Variants in CPLX2 observed in about 807,000 individuals in gnomAD.
CPLX2 encodes complexin-2.
A neutral mutation model predicts 16.3 loss-of-function variants in CPLX2; 5 were observed. The observed-to-expected ratio is 0.31, with a 90% confidence interval of 0.16 to 0.64. CPLX2 has a LOEUF of 0.64. Among genes scored for constraint, CPLX2 ranks in the 30% least tolerant of loss-of-function variants. The pLI is 0.79. For missense variants in CPLX2, 144 were observed against 181.4 expected, an observed-to-expected ratio of 0.79 and a Z score of 1.18; for synonymous variants, 89 against 73.2, an observed-to-expected ratio of 1.22 and a Z score of -1.10.
intron 1 of CPLX2, among the ~76,000 whole-genome samples, chr5:175,798,541 G>A (rs1352813948): frequency 1.3e-5 from 2 of 152,186 alleles, no homozygotes. Flanking sequence ...ACCCCAGGCA[G>A]ACAGAGCTGT....
rs1759029452 is a variant in CPLX2, at chr5:175,845,664, G to A, written c.-88-32988G>A. Among the ~76,000 whole-genome samples the A allele has an allele frequency of 6.6e-6, 1 of 152,186 alleles. No homozygotes were observed. The highest frequency in any genetic ancestry group is 1.5e-5 in the Non-Finnish European group (1 of 68,044). On this transcript the variant is annotated intron_variant, in intron 2 of 4. Coordinates refer to the CPLX2 transcript ENST00000359546. This position sits in a 1 kb window ranked among gnomAD's most constrained non-coding sequence, Gnocchi z 4.0. ...GGACTGTGAGTCTCTTAAGGGCGGG[G>A]ACTCATTGGTGCTGGTTCCACGGGC...
At chr5:175,824,011 T>A (rs1758560933) in intron 2 of CPLX2, among the ~76,000 whole-genome samples, 1 of 152,130 alleles carries the variant, frequency 6.6e-6, no homozygotes, top group Non-Finnish European at 1.5e-5. Context: ...GAGAGGATCC[T>A]TAAAGGGACC....
At chr5:175,803,228 A>AT (rs1423726545) in intron 1 of CPLX2, among the ~76,000 whole-genome samples, 12 of 152,340 alleles carry the variant, frequency 7.9e-5, no homozygotes, top group African/African-American at 1.4e-4. Flanking sequence ...TGGCTCATTG[A>AT]TTCGTCAATA....
chr5:175,815,879 CTG>C lies in CPLX2; in HGVS notation c.-89+6813_-89+6814del, dbSNP rs1758398374. On this transcript the variant is annotated intron_variant, in intron 2 of 4. Transcript: ENST00000359546. ...ACTGTAAGCTCCTTGAGGAGACCCACTGTCTCTTGTTACATCTATGCCCAGCA... is the reference window on the plus strand; with the variant it reads ...ACTGTAAGCTCCTTGAGGAGACCCACTCTCTTGTTACATCTATGCCCAGCA... 2.6e-5 allele frequency among the ~76,000 whole-genome samples: 4 copies of C among 152,350 alleles called. No individual in the cohort carries two copies. The South Asian group carries it at 8.3e-4, about 32-fold the overall frequency.
chr5:175,877,775 A>G (rs1294660506), intron 1 of CPLX2, among the ~76,000 whole-genome samples: 1 of 152,242 alleles, frequency 6.6e-6, no homozygotes, highest in African/African-American at 2.4e-5. Context: ...CCACTTTTAC[A>G]TATTTTGCAT....
chr5:175,828,975 C>T, intron 2 of CPLX2, among the ~76,000 whole-genome samples: 1 of 152,070 alleles, frequency 6.6e-6, no homozygotes, highest in East Asian at 1.9e-4. Context: ...ACCACTGGAG[C>T]CAGACGCACT....
intron 2 of CPLX2, among the ~76,000 whole-genome samples, chr5:175,823,849 C>T (rs1187804538): frequency 6.6e-6 from 1 of 152,166 alleles, no homozygotes; most frequent in South Asian, 2.1e-4. Flanking sequence ...AACCACTCAG[C>T]CAGAAGGGAG....
At chr5:175,852,577 G>A (rs1759179112) in intron 2 of CPLX2, among the ~76,000 whole-genome samples, 1 of 152,218 alleles carries the variant, frequency 6.6e-6, no homozygotes, top group African/African-American at 2.4e-5. Context: ...GAACAGCCCC[G>A]GAAATGGGGA....
At chr5:175,851,599 C>T (rs954907063) in intron 2 of CPLX2, among the ~76,000 whole-genome samples, 7 of 152,218 alleles carry the variant, frequency 4.6e-5, no homozygotes, top group East Asian at 1.9e-4. Flanking sequence ...GGAATGGCTG[C>T]GGAAGCTCCC....
rs1759102388 is a variant in CPLX2, at chr5:175,849,013, T to A, written c.-88-29639T>A. Among the ~76,000 whole-genome samples, 1 of 152,194 alleles carries A rather than the reference T, an allele frequency of 6.6e-6. No homozygotes were observed. Among genetic ancestry groups the A allele is most frequent in the Admixed American group, 6.5e-5 (1 of 15,274 alleles). ...GGCCCAGAGAGTGACTGGATTGCAT[T>A]CTACCTGTGCTGGTTTCTTCTAAGC... On this transcript the variant is annotated intron_variant, in intron 2 of 4. Coordinates refer to the CPLX2 transcript ENST00000359546. This position sits in a 1 kb window ranked among gnomAD's most constrained non-coding sequence, Gnocchi z 4.4.
At chr5:175,805,251 A>G (rs1361016694) in intron 1 of CPLX2, among the ~76,000 whole-genome samples, 1 of 152,234 alleles carries the variant, frequency 6.6e-6, no homozygotes, top group African/African-American at 2.4e-5. Context: ...TTGAGTAAGC[A>G]TAAGATATAT....
At chr5:175,812,927 T>G (rs1758339387) in intron 2 of CPLX2, among the ~76,000 whole-genome samples, 1 of 152,358 alleles carries the variant, frequency 6.6e-6, no homozygotes. Context: ...GTACTGGCAT[T>G]GAAAGAGCCT....
At chr5:175,805,901 G>A (rs917310223) in intron 1 of CPLX2, among the ~76,000 whole-genome samples, 1 of 152,182 alleles carries the variant, frequency 6.6e-6, no homozygotes, top group African/African-American at 2.4e-5. Context: ...CAAGCCAGCA[G>A]GCTGAGTCCC....
At chr5:175,855,024 A>T (rs979702126) in intron 2 of CPLX2, among the ~76,000 whole-genome samples, 6 of 152,244 alleles carry the variant, frequency 3.9e-5, no homozygotes, top group Non-Finnish European at 5.9e-5. Flanking sequence ...GCTCAGAAGA[A>T]AAATTATATT....
At chr5:175,798,543 CAG>C (rs1220955721) in intron 1 of CPLX2, among the ~76,000 whole-genome samples, 1 of 152,134 alleles carries the variant, frequency 6.6e-6, no homozygotes, top group African/African-American at 2.4e-5. Context: ...CCCAGGCAGA[CAG>C]AGCTGTGTGT....
chr5:175,879,901 G>A lies in CPLX2; in HGVS notation c.261G>A (p.Glu87=). The A allele has an allele frequency of 6.8e-6, 11 of 1,613,744 alleles. No individual in the cohort carries two copies. Among genetic ancestry groups the A allele is most frequent in the Non-Finnish European group, 9.3e-6 (11 of 1,179,872 alleles). The change falls in exon 4 of 4, where the codon GAG becomes GAA. Residue 87 remains glutamate (E), a synonymous_variant. Transcript: ENST00000393745. The part of the protein sequence containing the change: ...EKEAEEKAAL[E]QPCEGSLTRP... ...AAGCAGAGGAGAAAGCAGCCCTGGA[G>A]CAGCCCTGCGAGGGGAGCCTGACCC...
At position 175,830,126 on chromosome 5, in the gene CPLX2, G is replaced by A. The variant is rs1184698734; in HGVS notation, c.-89+21058G>A. Among the ~76,000 whole-genome samples the A allele has an allele frequency of 6.6e-6, 1 of 152,238 alleles. No individual in the cohort carries two copies. Among genetic ancestry groups the A allele is most frequent in the African/African-American group, 2.4e-5 (1 of 41,456 alleles). ...CTGTGTGGTGCCAGGTGATCCAGAA[G>A]AGAAGCAGTGAGAGCTGGAAGGGCA... On this transcript the variant is annotated intron_variant, in intron 2 of 4. Transcript: ENST00000359546. This position sits in a 1 kb window ranked among gnomAD's most constrained non-coding sequence, Gnocchi z 4.0.
intron 2 of CPLX2, among the ~76,000 whole-genome samples, chr5:175,838,677 T>C (rs1758889327): frequency 6.6e-6 from 1 of 152,086 alleles, no homozygotes; most frequent in African/African-American, 2.4e-5. Context: ...TTTTCCAGCT[T>C]TTCTAGTTCT....
At chr5:175,848,059 T>TGCCTCAACAGCCCC (rs1189758732) in intron 2 of CPLX2, among the ~76,000 whole-genome samples, 1 of 152,250 alleles carries the variant, frequency 6.6e-6, no homozygotes, top group Non-Finnish European at 1.5e-5. Flanking sequence ...GACACAGCCC[T>TGCCTCAACAGCCCC]GCCTCAACAG....
Sources: gnomAD v4.1 joint callset for allele counts (sites outside exome capture counted in the v4.1 genomes callset) on GRCh38, gnomAD v4.1.1 for gene constraint, Gnocchi (gnomAD v3.1) non-coding constraint, MANE v1.5 for transcripts, NCBI Gene and HGNC (gene_info 2026-07-23, HGNC 2026-07-21) for gene names.